Variants in MBD5 observed in about 807,000 individuals in gnomAD.
The protein encoded by MBD5 is methyl-CpG-binding domain protein 5.
In MBD5, 13 loss-of-function variants were observed where a neutral mutation model predicts 117.3. That is an observed-to-expected ratio of 0.11 (90% CI 0.07 to 0.18). The LOEUF (loss-of-function observed/expected upper bound fraction) is 0.18, where lower values mean the gene tolerates loss of function less well. Ranked by LOEUF, MBD5 falls within the 10% of genes least tolerant of loss-of-function variation. MBD5 has a pLI of 1.00. For synonymous variants in MBD5, 727 were observed against 766.4 expected, an observed-to-expected ratio of 0.95 and a Z score of 0.85; for missense variants, 1,879 against 2,093.8, an observed-to-expected ratio of 0.90 and a Z score of 2.00.
chr2:148,454,276 T>C (rs903786431), intron 4 of MBD5, among the ~76,000 whole-genome samples: 4 of 152,134 alleles, frequency 2.6e-5, no homozygotes, highest in African/African-American at 7.2e-5. Context: ...TTTGGCAATA[T>C]CTGTAGAGTT....
At chr2:148,465,267 CTTAG>C (rs1707226355) in intron 7 of MBD5, among the ~76,000 whole-genome samples, 1 of 152,084 alleles carries the variant, frequency 6.6e-6, no homozygotes, top group Non-Finnish European at 1.5e-5. Context: ...TGTTTGATTG[CTTAG>C]TTAAAATTAT....
Position 148,128,768 on chromosome 2 carries a change from C to A in MBD5, c.-924-49932C>A, listed in dbSNP as rs563844141. Among the ~76,000 whole-genome samples the A allele has an allele frequency of 7.9e-5, 12 of 152,218 alleles. No individual in the cohort carries two copies. The South Asian group carries it at 2.3e-3, about 29-fold the overall frequency. ...TGCCAGTGAGCCACTCTTTAAGTGT[C>A]TGAAAATTGCTCTATCAGCAAGCAT... On this transcript the variant is annotated intron_variant, in intron 1 of 13. Transcript: ENST00000642680.
At chr2:148,098,423 C>T (rs1230687265) in intron 1 of MBD5, among the ~76,000 whole-genome samples, 2 of 152,136 alleles carry the variant, frequency 1.3e-5, no homozygotes, top group East Asian at 3.9e-4. Flanking sequence ...ACAAGAGATC[C>T]TAGCTAAATA....
chr2:148,457,598 C>T (rs1706925098), intron 4 of MBD5, among the ~76,000 whole-genome samples: 1 of 151,998 alleles, frequency 6.6e-6, no homozygotes, highest in Non-Finnish European at 1.5e-5. Flanking sequence ...TAAAAGAGCA[C>T]CCCATAATAT....
At chr2:148,378,869 G>T (rs541149060) in intron 4 of MBD5, among the ~76,000 whole-genome samples, 8 of 152,174 alleles carry the variant, frequency 5.3e-5, no homozygotes, top group African/African-American at 1.9e-4. Context: ...AGTTTGGAAA[G>T]TAACAAATGT....
intron 1 of MBD5, among the ~76,000 whole-genome samples, chr2:148,130,349 C>T (rs141762199): frequency 1.3e-5 from 2 of 152,214 alleles, no homozygotes; most frequent in African/African-American, 4.8e-5. Flanking sequence ...TCAGATGCCC[C>T]TAGAGTATCA....
Position 148,161,893 on chromosome 2 carries a change from G to A in MBD5, c.-924-16807G>A, listed in dbSNP as rs528646304. Among the ~76,000 whole-genome samples, 9 of 152,148 alleles carry A rather than the reference G, an allele frequency of 5.9e-5. No individual in the cohort carries two copies. The East Asian group carries it at 1.4e-3, about 23-fold the overall frequency. ...TTTTCAGCTAGTTTGCCAAAATTTC[G>A]CCAACATTTAGGGCTAAATTTACTT... On this transcript the variant is annotated intron_variant, in intron 1 of 13. Transcript: ENST00000642680.
intron 3 of MBD5, among the ~76,000 whole-genome samples, chr2:148,323,446 G>C (rs1310770565): frequency 2.9e-4 from 44 of 151,994 alleles, no homozygotes; most frequent in African/African-American, 1.0e-3. Context: ...GGTTGAACTA[G>C]TTTACAGTCC....
At chr2:148,172,147 G>A (rs1698277794) in intron 1 of MBD5, among the ~76,000 whole-genome samples, 1 of 152,178 alleles carries the variant, frequency 6.6e-6, no homozygotes. Flanking sequence ...AGGGGGGGAG[G>A]TGCAGCCAAA....
At chr2:148,426,497 A>G (rs1350535614) in intron 4 of MBD5, among the ~76,000 whole-genome samples, 6 of 152,048 alleles carry the variant, frequency 3.9e-5, no homozygotes. Flanking sequence ...AAATAATGCC[A>G]CATATCTACA....
rs190951871 is a variant in MBD5, at chr2:148,453,664, G to A, written c.-556-4539G>A. ...TGCTGTGAAATAGGTACTTCTAAAAGCATAGTAATATTAAAGTGTTAAATT... is the reference window on the plus strand; with the variant it reads ...TGCTGTGAAATAGGTACTTCTAAAAACATAGTAATATTAAAGTGTTAAATT... On this transcript the variant is annotated intron_variant, in intron 4 of 13. Transcript: ENST00000642680. 3.4e-3 allele frequency among the ~76,000 whole-genome samples: 514 copies of A among 151,996 alleles called. 8 individuals carry two copies. The highest frequency in any genetic ancestry group is 0.012 in the African/African-American group (481 of 41,484).
At chr2:148,481,889 T>A (rs1436187295) in intron 8 of MBD5, 1 of 152,210 alleles carries the variant, frequency 6.6e-6, no homozygotes, top group African/African-American at 2.4e-5. Flanking sequence ...AGTGAAATTT[T>A]ATCTTTTCAG....
intron 9 of MBD5, 112 bp downstream of exon 9, chr2:148,484,247 T>C: frequency 1.1e-6 from 1 of 924,650 alleles, no homozygotes; most frequent in Admixed American, 3.2e-5. Context: ...GTTTTTGTTA[T>C]GTCACAGCTT....
At chr2:148,376,320 T>G (rs1703985781) in intron 4 of MBD5, among the ~76,000 whole-genome samples, 1 of 148,976 alleles carries the variant, frequency 6.7e-6, no homozygotes, top group Non-Finnish European at 1.5e-5. Context: ...CAGGCTGGAG[T>G]GCAGCGGCGC....
intron 1 of MBD5, among the ~76,000 whole-genome samples, chr2:148,053,286 A>G (rs1321472868): frequency 6.6e-6 from 1 of 152,104 alleles, no homozygotes; most frequent in African/African-American, 2.4e-5. Context: ...TTCTTTCATG[A>G]CAGCTGTGTC....
chr2:148,509,642 G>T (rs1323679764), intron 12 of MBD5, among the ~76,000 whole-genome samples: 1 of 152,156 alleles, frequency 6.6e-6, no homozygotes, highest in African/African-American at 2.4e-5. Context: ...GCCAGAGCCT[G>T]CAGTTCAGCC....
chr2:148,319,570 A>C (rs1278905194), intron 3 of MBD5, among the ~76,000 whole-genome samples: 1 of 152,204 alleles, frequency 6.6e-6, no homozygotes, highest in Non-Finnish European at 1.5e-5. Context: ...TTATTGGCAC[A>C]TAGAAATGCT....
intron 4 of MBD5, among the ~76,000 whole-genome samples, chr2:148,423,945 G>A (rs1427458362): frequency 6.6e-6 from 1 of 152,006 alleles, no homozygotes; most frequent in Non-Finnish European, 1.5e-5. Context: ...TTGGGAGGCT[G>A]AGGCAGGCAG....
intron 4 of MBD5, among the ~76,000 whole-genome samples, chr2:148,364,368 T>A (rs1288918780): frequency 6.6e-6 from 1 of 152,128 alleles, no homozygotes; most frequent in Non-Finnish European, 1.5e-5. Flanking sequence ...AAAGGAAAAC[T>A]GGTACCAGCC....
Sources: gnomAD v4.1 joint callset for allele counts (sites outside exome capture counted in the v4.1 genomes callset) on GRCh38, gnomAD v4.1.1 for gene constraint, MANE v1.5 for transcripts, NCBI Gene and HGNC (gene_info 2026-07-23, HGNC 2026-07-21) for gene names.